The following GPC6 variants were observed in gnomAD, a reference collection of about 807,000 sequenced individuals.
GPC6 encodes the protein glypican-6.
GPC6 carries 14 observed loss-of-function variants against 55.2 expected under a neutral mutation model. The ratio of observed to expected loss-of-function variants is 0.25; its 90% CI spans 0.17 to 0.40. The LOEUF (loss-of-function observed/expected upper bound fraction) is 0.40. GPC6 is among the 10% of genes least tolerant of loss of function. The pLI is 1.00. For synonymous variants in GPC6, 278 were observed against 259.6 expected (o/e 1.07, Z -0.68); for missense variants, 641 against 708.5 (o/e 0.90, Z 1.08).
At chr13:94,162,735 G>GT (rs1460760843) in intron 4 of GPC6, among the ~76,000 whole-genome samples, 2 of 151,792 alleles carry the variant, frequency 1.3e-5, no homozygotes, top group South Asian at 2.1e-4. Context: ...CTGTTATCTA[G>GT]TTTTTTTTCT....
intron 4 of GPC6, among the ~76,000 whole-genome samples, chr13:94,211,589 A>G (rs1039317570): frequency 6.6e-6 from 1 of 152,222 alleles, no homozygotes; most frequent in Admixed American, 6.5e-5. Flanking sequence ...TCAGTGTGCT[A>G]CTGATAGCAC....
intron 4 of GPC6, among the ~76,000 whole-genome samples, chr13:94,061,174 C>G (rs1884308981): frequency 6.6e-6 from 1 of 152,022 alleles, no homozygotes; most frequent in Non-Finnish European, 1.5e-5. Context: ...AAGATTGAAC[C>G]AGATTAGCAT....
At chr13:93,792,865 A>G (rs1012847062) in intron 2 of GPC6, among the ~76,000 whole-genome samples, 1 of 152,186 alleles carries the variant, frequency 6.6e-6, no homozygotes, top group Admixed American at 6.5e-5. Flanking sequence ...ATGAAAGGAC[A>G]TATGCCCCAC....
At chr13:94,089,396 T>C (rs1885401881) in intron 4 of GPC6, among the ~76,000 whole-genome samples, 1 of 152,202 alleles carries the variant, frequency 6.6e-6, no homozygotes, top group African/African-American at 2.4e-5. Context: ...ACCTTTTGGC[T>C]GTGCAATTTT....
intron 2 of GPC6, among the ~76,000 whole-genome samples, chr13:93,610,352 A>T (rs572241352): frequency 2.0e-5 from 3 of 152,300 alleles, no homozygotes; most frequent in African/African-American, 7.2e-5. Context: ...AAAAAGATGT[A>T]TTTTACATCG....
At chr13:93,686,932 A>C (rs1594372057) in intron 2 of GPC6, among the ~76,000 whole-genome samples, 1 of 152,200 alleles carries the variant, frequency 6.6e-6, no homozygotes, top group Admixed American at 6.5e-5. Flanking sequence ...TATATGGAGA[A>C]GAATTGAGCA....
intron 2 of GPC6, among the ~76,000 whole-genome samples, chr13:93,709,622 T>A (rs912578105): frequency 2.0e-5 from 3 of 151,808 alleles, no homozygotes; most frequent in African/African-American, 7.2e-5. Flanking sequence ...CTGAGCATAA[T>A]TTGTCTTAAA....
At chr13:94,101,181 A>G (rs1013442991) in intron 4 of GPC6, among the ~76,000 whole-genome samples, 1 of 152,186 alleles carries the variant, frequency 6.6e-6, no homozygotes, top group Non-Finnish European at 1.5e-5. Flanking sequence ...TAAACTATAC[A>G]TTATTTGTTC....
At chr13:94,059,971 C>T (rs900540958) in intron 4 of GPC6, among the ~76,000 whole-genome samples, 4 of 152,034 alleles carry the variant, frequency 2.6e-5, no homozygotes, top group African/African-American at 9.7e-5. Flanking sequence ...ATCCTTCAGG[C>T]CAGACACAAT....
intron 4 of GPC6, among the ~76,000 whole-genome samples, chr13:94,133,305 T>C (rs1887070400): frequency 6.7e-6 from 1 of 149,788 alleles, no homozygotes; most frequent in Non-Finnish European, 1.5e-5. Context: ...TTAAGTGCTT[T>C]TAAAACACAT....
rs67379652 is a variant in GPC6 at position 93,295,290 on chromosome 13, CAAAAAAA to C, written c.160+67691_160+67697del. ...GGGGTGGTACAGGGAGACCCTGTCT[CAAAAAAA>C]AAAAAAAAAAAAAAAAGAGAAAAAA... On this transcript the variant is annotated intron_variant, in intron 1 of 8. Transcript: ENST00000377047. 4.8e-3 allele frequency among the ~76,000 whole-genome samples: 322 copies of C among 66,682 alleles called. 1 individual carries two copies. Among genetic ancestry groups the C allele is most frequent in the Non-Finnish European group, 6.2e-3 (243 of 39,232 alleles). The allele number at this position is 66,682 out of a possible 152,430, so 43.7% of individuals were successfully genotyped here.
chr13:94,366,880 C>G (rs968947647), intron 6 of GPC6, among the ~76,000 whole-genome samples: 4 of 152,186 alleles, frequency 2.6e-5, no homozygotes, highest in African/African-American at 9.7e-5. Flanking sequence ...AATCCACTCA[C>G]AATTTGAAAC....
At chr13:93,448,504 A>C (rs977558016) in intron 1 of GPC6, among the ~76,000 whole-genome samples, 1 of 152,192 alleles carries the variant, frequency 6.6e-6, no homozygotes, top group African/African-American at 2.4e-5. Context: ...AGAAAGGCAT[A>C]GTGTAAGTTG....
At chr13:94,239,535 C>A (rs1358992788) in intron 4 of GPC6, among the ~76,000 whole-genome samples, 3 of 152,134 alleles carry the variant, frequency 2.0e-5, no homozygotes, top group African/African-American at 7.2e-5. Flanking sequence ...ATTTTTAAAA[C>A]TTTTTTAAAA....
rs148544401 is a variant in GPC6, at chr13:93,911,089, C to T, written c.711+80544C>T. 7.8e-4 allele frequency among the ~76,000 whole-genome samples: 119 copies of T among 152,242 alleles called. 1 individual carries two copies. The highest frequency in any genetic ancestry group is 2.6e-3 in the African/African-American group (108 of 41,534). ...ATTTCAAACTCAAATATCTTTTAAA[C>T]TTTTAATGAAAGGTATAAAGAAGTG... On this transcript the variant is annotated intron_variant, in intron 3 of 8. Coordinates refer to ENST00000377047, the MANE Select transcript of GPC6 (RefSeq NM_005708.5).
chr13:93,285,210 C>T (rs920650939), intron 1 of GPC6, among the ~76,000 whole-genome samples: 1 of 152,190 alleles, frequency 6.6e-6, no homozygotes, highest in Admixed American at 6.5e-5. Context: ...AATTTTGAAA[C>T]TTAAAATATA....
At chr13:94,114,133 G>A (rs1236013369) in intron 4 of GPC6, among the ~76,000 whole-genome samples, 1 of 126,886 alleles carries the variant, frequency 7.9e-6, no homozygotes, top group Non-Finnish European at 1.6e-5. Context: ...AAGCAAGATG[G>A]TGTTCTTATT....
chr13:93,751,795 G>A (rs921557501), intron 2 of GPC6, among the ~76,000 whole-genome samples: 7 of 152,044 alleles, frequency 4.6e-5, no homozygotes, highest in Admixed American at 1.3e-4. Flanking sequence ...CAGAGAGCTC[G>A]GATTACAAGG....
At chr13:94,192,715 G>C (rs1889437976) in intron 4 of GPC6, among the ~76,000 whole-genome samples, 1 of 152,194 alleles carries the variant, frequency 6.6e-6, no homozygotes, top group African/African-American at 2.4e-5. Flanking sequence ...TCATGGGAAA[G>C]GGCAACTGAG....
Sources: allele counts gnomAD v4.1 joint callset (sites outside exome capture counted in the v4.1 genomes callset), GRCh38; gene constraint gnomAD v4.1.1; transcripts MANE v1.5; gene names NCBI Gene and HGNC (gene_info 2026-07-23, HGNC 2026-07-21).